Variants in PTPRD observed in about 807,000 individuals in gnomAD.
PTPRD encodes the protein receptor-type tyrosine-protein phosphatase delta.
A neutral mutation model predicts 214.5 loss-of-function variants in PTPRD; 34 were observed. The ratio of observed to expected loss-of-function variants is 0.16; its 90% CI spans 0.12 to 0.21. The LOEUF (loss-of-function observed/expected upper bound fraction) is 0.21. Ranked by LOEUF, PTPRD falls within the 10% of genes least tolerant of loss-of-function variation. The pLI, the probability that PTPRD is intolerant of heterozygous loss-of-function variation, is 1.00. For synonymous variants in PTPRD, 1,128 were observed against 845.7 expected (o/e 1.33, Z -5.79); for missense variants, 2,545 against 2,398.7 (o/e 1.06, Z -1.27).
intron 11 of PTPRD, among the ~76,000 whole-genome samples, chr9:8,934,478 AAT>A (rs1334901619): frequency 0.036 from 300 of 8,398 alleles, 17 homozygotes; most frequent in African/African-American, 0.1. Context: ...TATATATATA[AAT>A]ATATATATAT....
chr9:10,317,585 G>C (rs1035193603), intron 3 of PTPRD, among the ~76,000 whole-genome samples: 1 of 151,920 alleles, frequency 6.6e-6, no homozygotes, highest in African/African-American at 2.4e-5. Flanking sequence ...TTACTGGAAG[G>C]TGGACCCCAT....
At chr9:9,079,946 G>A (rs141930979) in intron 10 of PTPRD, among the ~76,000 whole-genome samples, 1 of 152,008 alleles carries the variant, frequency 6.6e-6, no homozygotes, top group African/African-American at 2.4e-5. Context: ...TAATATTTAA[G>A]TGTGCACAGT....
chr9:9,212,912 G>A (rs368056246), intron 9 of PTPRD, among the ~76,000 whole-genome samples: 14 of 152,196 alleles, frequency 9.2e-5, no homozygotes, highest in Middle Eastern at 3.4e-3. Context: ...TTGAACTCCC[G>A]TGCCTTTGGT....
At chr9:8,346,837 T>C (rs918801235) in intron 39 of PTPRD, among the ~76,000 whole-genome samples, 1 of 152,146 alleles carries the variant, frequency 6.6e-6, no homozygotes, top group Admixed American at 6.6e-5. Context: ...CTAAGATCTA[T>C]GGTAAGAATC....
In PTPRD at chr9:8,942,471, C is replaced by G. The variant is rs971042100; in HGVS notation, c.-104+76226G>C. ...AAAATGAACTTCATCAGCAACTGGA[C>G]TTGCAGTTAGTGATGAGATCAAACA... On this transcript the variant is annotated intron_variant, in intron 11 of 45. Transcript: ENST00000381196. Among the ~76,000 whole-genome samples, 4 of 152,120 alleles carry G rather than the reference C, an allele frequency of 2.6e-5. No individual in the cohort carries two copies. The East Asian group carries it at 7.7e-4, about 29-fold the overall frequency.
intron 14 of PTPRD, among the ~76,000 whole-genome samples, chr9:8,627,448 T>C (rs142982307): frequency 6.6e-6 from 1 of 151,902 alleles, no homozygotes; most frequent in Non-Finnish European, 1.5e-5. Flanking sequence ...TTTCTATGGT[T>C]CGGTTAACAA....
At chr9:10,321,095 C>G (rs1012150629) in intron 3 of PTPRD, among the ~76,000 whole-genome samples, 3 of 151,940 alleles carry the variant, frequency 2.0e-5, no homozygotes, top group African/African-American at 7.2e-5. Context: ...AACAAGATAG[C>G]CTCCATTCTC....
intron 36 of PTPRD, among the ~76,000 whole-genome samples, chr9:8,392,274 C>T (rs1014816780): frequency 3.3e-5 from 5 of 151,954 alleles, no homozygotes; most frequent in African/African-American, 4.8e-5. Flanking sequence ...CCTGTAATTC[C>T]GACACTTTGG....
At chr9:10,445,145 A>G (rs2098789935) in intron 2 of PTPRD, among the ~76,000 whole-genome samples, 1 of 152,084 alleles carries the variant, frequency 6.6e-6, no homozygotes, top group Non-Finnish European at 1.5e-5. Flanking sequence ...AAAAGAGAGC[A>G]TAAAGGTACA....
chr9:10,565,977 A>T (rs1038933226), intron 2 of PTPRD, among the ~76,000 whole-genome samples: 1 of 151,932 alleles, frequency 6.6e-6, no homozygotes, highest in African/African-American at 2.4e-5. Context: ...CTTCCTATTT[A>T]CATCCTTAAC....
intron 5 of PTPRD, among the ~76,000 whole-genome samples, chr9:9,770,831 A>G (rs557713311): frequency 6.6e-6 from 1 of 152,272 alleles, no homozygotes; most frequent in South Asian, 2.1e-4. Flanking sequence ...ATGAAATGAG[A>G]AGAGGAAGGG....
chr9:9,309,003 G>T (rs1235516795), intron 9 of PTPRD, among the ~76,000 whole-genome samples: 1 of 151,916 alleles, frequency 6.6e-6, no homozygotes, highest in Non-Finnish European at 1.5e-5. Context: ...TTATATGAGT[G>T]ATATATTAAA....
intron 3 of PTPRD, among the ~76,000 whole-genome samples, chr9:10,140,934 G>A (rs570152315): frequency 6.6e-6 from 1 of 152,086 alleles, no homozygotes; most frequent in South Asian, 2.1e-4. Context: ...GGGATGCAAG[G>A]CTGGTTCATT....
At chr9:9,940,001 C>A (rs1251021058) in intron 4 of PTPRD, among the ~76,000 whole-genome samples, 4 of 152,064 alleles carry the variant, frequency 2.6e-5, no homozygotes, top group Non-Finnish European at 4.4e-5. Context: ...GATCTTGTGC[C>A]AGGTGAAAAC....
At chr9:9,109,284 G>C (rs960456069) in intron 10 of PTPRD, among the ~76,000 whole-genome samples, 3 of 152,108 alleles carry the variant, frequency 2.0e-5, no homozygotes, top group African/African-American at 7.2e-5. Context: ...TGTAGCATCT[G>C]TGCATTTTTC....
intron 36 of PTPRD, among the ~76,000 whole-genome samples, chr9:8,395,874 C>A (rs905060421): frequency 6.6e-6 from 1 of 152,002 alleles, no homozygotes; most frequent in African/African-American, 2.4e-5. Flanking sequence ...AGATCAGCAA[C>A]ATGAGTTGGG....
intron 2 of PTPRD, among the ~76,000 whole-genome samples, chr9:10,502,044 C>A (rs1236236137): frequency 4.0e-5 from 6 of 151,546 alleles, no homozygotes; most frequent in South Asian, 2.1e-4. Context: ...AGAAGAAAAT[C>A]GAGCTTAATT....
intron 2 of PTPRD, among the ~76,000 whole-genome samples, chr9:10,440,318 T>A (rs980290967): frequency 4.0e-5 from 6 of 151,796 alleles, no homozygotes; most frequent in African/African-American, 1.2e-4. Flanking sequence ...GTTAGTTTTT[T>A]AAGTTAGTGC....
chr9:8,762,460 TTTA>T (rs1294763497), intron 11 of PTPRD, among the ~76,000 whole-genome samples: 12 of 152,176 alleles, frequency 7.9e-5, no homozygotes, highest in Non-Finnish European at 1.5e-4. Context: ...GAATAAATCT[TTTA>T]TTATTTTCTT....
Sources: allele counts gnomAD v4.1 joint callset (sites outside exome capture counted in the v4.1 genomes callset), GRCh38; gene constraint gnomAD v4.1.1; transcripts MANE v1.5; gene names NCBI Gene and HGNC (gene_info 2026-07-23, HGNC 2026-07-21).